The following UBXN7 variants were observed in gnomAD, a reference collection of about 807,000 sequenced individuals.
UBXN7 encodes UBX domain protein 7, also known as UBX domain-containing protein 7.
UBXN7 carries 9 observed loss-of-function variants against 58.0 expected under a neutral mutation model. The ratio of observed to expected loss-of-function variants is 0.16; its 90% CI spans 0.09 to 0.27. The LOEUF (loss-of-function observed/expected upper bound fraction) is 0.27, where lower values mean the gene tolerates loss of function less well. UBXN7 is among the 10% of genes least tolerant of loss of function. UBXN7 has a pLI of 1.00. For synonymous variants in UBXN7, 208 were observed against 205.0 expected (o/e 1.01, Z -0.12); for missense variants, 328 against 599.6 (o/e 0.55, Z 4.73).
chr3:196,371,783 G>A (rs1413372491), intron 6 of UBXN7, 113 bp downstream of exon 6: 51 of 1,365,854 alleles, frequency 3.7e-5, no homozygotes, highest in Middle Eastern at 2.1e-4. Flanking sequence ...GCCCCCAGCC[G>A]GCTTTACCTT....
chr3:196,362,866 T>TCTCCA (rs1728542111), intron 8 of UBXN7, among the ~76,000 whole-genome samples, 179 bp from the exon 9 acceptor site: 1 of 152,122 alleles, frequency 6.6e-6, no homozygotes, highest in Admixed American at 6.5e-5. Flanking sequence ...GATATATATA[T>TCTCCA]GTGTGTGTAT....
chr3:196,360,377 G>T (rs138400719), intron 10 of UBXN7, among the ~76,000 whole-genome samples: 21 of 152,126 alleles, frequency 1.4e-4, no homozygotes, highest in Non-Finnish European at 2.5e-4. Flanking sequence ...TTCTTGTTAG[G>T]GGGTAATGCA....
At chr3:196,429,457 A>G (rs1489793129) in intron 1 of UBXN7, among the ~76,000 whole-genome samples, 1 of 152,198 alleles carries the variant, frequency 6.6e-6, no homozygotes, top group Non-Finnish European at 1.5e-5. Flanking sequence ...CCAAAAAAAG[A>G]TAAGACTCAC....
At chr3:196,379,292 G>A (rs1271749652) in intron 5 of UBXN7, among the ~76,000 whole-genome samples, 2 of 151,968 alleles carry the variant, frequency 1.3e-5, no homozygotes, top group Non-Finnish European at 2.9e-5. Context: ...GGTTTTGGGG[G>A]ATTTTAGCTT....
chr3:196,421,654 G>A (rs1416369845), intron 1 of UBXN7, among the ~76,000 whole-genome samples: 1 of 151,830 alleles, frequency 6.6e-6, no homozygotes, highest in Non-Finnish European at 1.5e-5. Flanking sequence ...GCAGGCGCCT[G>A]TAGTCCCAGC....
intron 1 of UBXN7, chr3:196,431,911 A>T: frequency 5.6e-6 from 2 of 359,596 alleles, no homozygotes; most frequent in South Asian, 4.2e-5. Context: ...AGAAAGGAAA[A>T]AAGGAGGTGA....
At chr3:196,401,377 G>A (rs1464436147) in intron 3 of UBXN7, among the ~76,000 whole-genome samples, 2 of 136,966 alleles carry the variant, frequency 1.5e-5, no homozygotes, top group East Asian at 2.1e-4. Context: ...AAATAAAAAG[G>A]TTTATCTCAT....
chr3:196,428,565 T>A (rs927243975), intron 1 of UBXN7, among the ~76,000 whole-genome samples: 3 of 152,264 alleles, frequency 2.0e-5, no homozygotes, highest in South Asian at 2.1e-4. Flanking sequence ...ATATTGCTGT[T>A]GTGAGAAGGA....
chr3:196,416,091 A>G (rs550419136), intron 1 of UBXN7: 1 of 152,380 alleles, frequency 6.6e-6, no homozygotes, highest in South Asian at 2.1e-4. Flanking sequence ...CACTTCTGCC[A>G]TAACAGCAAC....
chr3:196,387,274 T>C (rs1367035196), intron 5 of UBXN7, among the ~76,000 whole-genome samples: 2 of 152,178 alleles, frequency 1.3e-5, no homozygotes, highest in Admixed American at 6.5e-5. Flanking sequence ...TTACACCTTA[T>C]ACAAAAATTA....
At chr3:196,397,538 C>G (rs1253414953) in intron 3 of UBXN7, 1 of 152,420 alleles carries the variant, frequency 6.6e-6, no homozygotes, top group African/African-American at 2.4e-5. Flanking sequence ...GTTGCCCAGG[C>G]TGAAGGGCAG....
At chr3:196,432,140 G>C (rs1180407926) in intron 1 of UBXN7, 187 bp downstream of exon 1, 7 of 698,790 alleles carry the variant, frequency 1.0e-5, no homozygotes, top group African/African-American at 3.6e-5. Context: ...TATCGGGAGC[G>C]GGGGGGGGCT....
In UBXN7 at chr3:196,371,989, A is replaced by G; in HGVS notation, c.522T>C (p.Asn174=). ...GGCACTGACATGCAAAGTCTTGAAC[A>G]TTTTGAATGTTTATCATCAGCCACT... ...QNKWLMINIQ[N]VQDFACQCLN... The change falls in exon 6 of 11, where the codon AAT becomes AAC. Residue 174 remains asparagine (N), a synonymous_variant. Transcript: ENST00000296328. 1 of 1,612,662 alleles carries G rather than the reference A, an allele frequency of 6.2e-7. No homozygotes were observed.
At chr3:196,364,443 A>C (rs2108828992) in intron 8 of UBXN7, among the ~76,000 whole-genome samples, 1 of 152,252 alleles carries the variant, frequency 6.6e-6, no homozygotes, top group South Asian at 2.1e-4. Context: ...GAATTCTGAG[A>C]TTAGCTTCAA....
At chr3:196,392,540 T>C (rs1577456390) in intron 4 of UBXN7, among the ~76,000 whole-genome samples, 1 of 146,294 alleles carries the variant, frequency 6.8e-6, no homozygotes, top group Admixed American at 6.9e-5. Context: ...TAGTGGCGCA[T>C]GCCTGTAGTC....
intron 1 of UBXN7, among the ~76,000 whole-genome samples, chr3:196,412,163 G>T (rs530712938): frequency 6.7e-6 from 1 of 149,426 alleles, no homozygotes; most frequent in Non-Finnish European, 1.5e-5. Context: ...TCCAGGAGGC[G>T]GAGGTTACAG....
intron 5 of UBXN7, among the ~76,000 whole-genome samples, chr3:196,376,440 G>A (rs1423189807): frequency 2.6e-5 from 4 of 151,050 alleles, no homozygotes. Context: ...CAGCTACTCG[G>A]GAGGGTGAGA....
rs1329758064 is a variant in UBXN7 at position 196,369,298 on chromosome 3, C to T, written c.706+123G>A. 10 of 778,044 alleles carry T rather than the reference C, an allele frequency of 1.3e-5. No homozygotes were observed. In the African/African-American group the frequency reaches 1.4e-4, roughly 11 times the overall value. 48.2% of individuals were successfully genotyped at this position (778,044 alleles called of 1,614,324 possible). A position where few individuals can be genotyped will look rare whatever the true frequency, so the allele number is the denominator to read the frequency against. Reference sequence around the variant, plus strand: ...TTAAATAATTATAAAGGGAAAAAAACGAAACCTTCACCTAAATTACTGCAA... The same window carrying T: ...TTAAATAATTATAAAGGGAAAAAAATGAAACCTTCACCTAAATTACTGCAA... On this transcript the variant is annotated intron_variant, in intron 7 of 10. Transcript: ENST00000296328.
chr3:196,378,497 G>C (rs149707709), intron 5 of UBXN7, among the ~76,000 whole-genome samples: 2 of 152,214 alleles, frequency 1.3e-5, no homozygotes, highest in African/African-American at 4.8e-5. Flanking sequence ...TCCATAGGCA[G>C]AGCAGCCCAA....
Sources: gnomAD v4.1 joint callset for allele counts (sites outside exome capture counted in the v4.1 genomes callset) on GRCh38, gnomAD v4.1.1 for gene constraint, MANE v1.5 for transcripts, NCBI Gene and HGNC (gene_info 2026-07-23, HGNC 2026-07-21) for gene names.